SAFB: variants seen among roughly 807,000 people sequenced by gnomAD.
The protein encoded by SAFB is scaffold attachment factor B1.
A neutral mutation model predicts 101.6 loss-of-function variants in SAFB; 15 were observed. That is an observed-to-expected ratio of 0.15 (90% CI 0.10 to 0.23). SAFB has a LOEUF of 0.23. Ranked by LOEUF, SAFB falls within the 10% of genes least tolerant of loss-of-function variation. The pLI, the probability that SAFB is intolerant of heterozygous loss-of-function variation, is 1.00. For synonymous variants in SAFB, 449 were observed against 407.5 expected, an observed-to-expected ratio of 1.10 and a Z score of -1.23; for missense variants, 930 against 1,104.1, an observed-to-expected ratio of 0.84 and a Z score of 2.23.
intron 5 of SAFB, among the ~76,000 whole-genome samples, chr19:5,647,225 A>G (rs1325249125): frequency 6.6e-6 from 1 of 152,140 alleles, no homozygotes; most frequent in Non-Finnish European, 1.5e-5. Flanking sequence ...CTGAAAGGAG[A>G]TGCCACTGAG....
chr19:5,651,654 C>A (rs567780892), intron 9 of SAFB, among the ~76,000 whole-genome samples: 8 of 152,160 alleles, frequency 5.3e-5, no homozygotes, highest in African/African-American at 1.9e-4. Context: ...CAGCCCCCTA[C>A]CTGCAGTGCC....
chr19:5,654,814 G>A (rs542741026), intron 13 of SAFB, among the ~76,000 whole-genome samples: 17 of 152,302 alleles, frequency 1.1e-4, no homozygotes, highest in African/African-American at 3.6e-4. Flanking sequence ...TGATCCGCCC[G>A]CCTCGGCCTC....
intron 2 of SAFB, among the ~76,000 whole-genome samples, chr19:5,640,180 G>A (rs1475300060): frequency 2.6e-5 from 4 of 152,080 alleles, no homozygotes; most frequent in South Asian, 2.1e-4. Context: ...ATAGTGGGGT[G>A]TAAATCAGAA....
chr19:5,647,377 C>T (rs542611514), intron 5 of SAFB, among the ~76,000 whole-genome samples: 1 of 152,192 alleles, frequency 6.6e-6, no homozygotes, highest in South Asian at 2.1e-4. Flanking sequence ...ACACAAGGTG[C>T]AGAGAGATGG....
intron 14 of SAFB, 158 bp from the exon 15 acceptor site, chr19:5,661,360 C>T: frequency 1.5e-6 from 2 of 1,325,534 alleles, no homozygotes; most frequent in South Asian, 1.5e-5. Context: ...CTCCTGTGGG[C>T]CCGAGAAGCC....
chr19:5,646,236 C>A (rs16993077), intron 5 of SAFB, among the ~76,000 whole-genome samples: 8,447 of 152,048 alleles, frequency 0.056, 473 homozygotes, highest in African/African-American at 0.14. Context: ...ATTAGAAATC[C>A]CCTTTTGGAA....
intron 13 of SAFB, 23 bp from the exon 14 acceptor site, chr19:5,657,218 T>G (rs1199181868): frequency 2.5e-6 from 4 of 1,599,856 alleles, no homozygotes; most frequent in Non-Finnish European, 3.4e-6. Context: ...GCTTTAACTT[T>G]TTAATGTTCT....
chr19:5,648,814 C>G, intron 6 of SAFB, 175 bp from the exon 7 acceptor site: 1 of 620,316 alleles, frequency 1.6e-6, no homozygotes, highest in South Asian at 1.7e-5. Flanking sequence ...TAGAGGCGGT[C>G]GCGGCGCAGG....
rs184917069 is a variant in SAFB, at chr19:5,646,237, C to A, written c.609+838C>A. Among the ~76,000 whole-genome samples, 95 of 152,198 alleles carry A rather than the reference C, an allele frequency of 6.2e-4. 1 individual carries two copies. Among genetic ancestry groups the A allele is most frequent in the African/African-American group, 2.2e-3 (92 of 41,522 alleles). ...TCTATGTTATTGTAATTAGAAATCCCCTTTTGGAAAAGATCTCCATTTGCT... is the reference window on the plus strand; with the variant it reads ...TCTATGTTATTGTAATTAGAAATCCACTTTTGGAAAAGATCTCCATTTGCT... On this transcript the variant is annotated intron_variant, in intron 5 of 20. Coordinates refer to ENST00000588852, the MANE Select transcript of SAFB (RefSeq NM_001201338.2).
Position 5,668,046 on chromosome 19 carries a change from G to C in SAFB, c.2625-116G>C, listed in dbSNP as rs566114747. 8.1e-5 allele frequency: 120 copies of C among 1,478,418 alleles called. No homozygotes were observed. The African/African-American group carries it at 1.7e-3, about 20-fold the overall frequency. The allele number at this position is 1,478,418 out of a possible 1,614,324, so 91.6% of individuals were successfully genotyped here. A position where few individuals can be genotyped will look rare whatever the true frequency, so the allele number is the denominator to read the frequency against. On this transcript the variant is annotated intron_variant, in intron 20 of 20. Transcript: ENST00000588852. ...GTGGAGGCTGCTGCCACTCAGGAGG[G>C]GAGGGCATTAGGAAGGGGCCCTGCC...
intron 13 of SAFB, among the ~76,000 whole-genome samples, chr19:5,655,459 CAAAAAAA>C (rs56999816): frequency 7.3e-5 from 4 of 55,172 alleles, no homozygotes; most frequent in Non-Finnish European, 8.1e-5. Flanking sequence ...GACCCCATCT[CAAAAAAA>C]AAAAAAAAAA....
chr19:5,631,495 G>T (rs1040705556), intron 2 of SAFB, among the ~76,000 whole-genome samples: 3 of 152,164 alleles, frequency 2.0e-5, no homozygotes, highest in African/African-American at 7.2e-5. Flanking sequence ...TTATCAGTGG[G>T]TTTTATCAAG....
At chr19:5,653,678 T>C (rs2053990417) in intron 11 of SAFB, among the ~76,000 whole-genome samples, 6 of 152,038 alleles carry the variant, frequency 3.9e-5, no homozygotes, top group Admixed American at 2.6e-4. Context: ...TTGGCCAGGC[T>C]GGTCTTGAAC....
At chr19:5,663,812 C>T (rs547375606) in intron 15 of SAFB, among the ~76,000 whole-genome samples, 22 of 152,144 alleles carry the variant, frequency 1.4e-4, no homozygotes, top group Non-Finnish European at 2.9e-4. Context: ...AAACCGAGGC[C>T]GCTTTTCATC....
intron 2 of SAFB, among the ~76,000 whole-genome samples, chr19:5,637,198 G>C (rs2145418309): frequency 6.6e-6 from 1 of 151,332 alleles, no homozygotes; most frequent in East Asian, 2.0e-4. Flanking sequence ...CAAAAAATAA[G>C]CCGGGCGTGA....
Position 5,667,474 on chromosome 19 carries a change from A to G in SAFB, c.2557+24A>G. The G allele has an allele frequency of 1.4e-6, 2 of 1,463,540 alleles. No individual in the cohort carries two copies. The highest frequency in any genetic ancestry group is 1.8e-6 in the Non-Finnish European group (2 of 1,088,800). 90.7% of individuals were successfully genotyped at this position (1,463,540 alleles called of 1,614,324 possible). On this transcript the variant is annotated intron_variant, in intron 19 of 20. Transcript: ENST00000588852. The surrounding 1 kb of genome is among the most constrained non-coding windows in gnomAD (Gnocchi z 4.0). Reference sequence around the variant, plus strand: ...AGGTGAGGAGCAGCTCTGGGCTGGGACCAGGATGTGCTGGGGAGTGATGGA... The same window carrying G: ...AGGTGAGGAGCAGCTCTGGGCTGGGGCCAGGATGTGCTGGGGAGTGATGGA...
chr19:5,668,290 G>A lies in SAFB; in HGVS notation c.2753G>A (p.Ter918=). 21 of 1,611,384 alleles carry A rather than the reference G, an allele frequency of 1.3e-5. No individual in the cohort carries two copies. Among genetic ancestry groups the A allele is most frequent in the Non-Finnish European group, 1.8e-5 (21 of 1,179,502 alleles). ...GATGCCCGCTTCACTCGCCGCTACTGAGTACTTGGAATCCTGTGTCCTGTC... is the reference window on the plus strand; with the variant it reads ...GATGCCCGCTTCACTCGCCGCTACTAAGTACTTGGAATCCTGTGTCCTGTC... ...PSDARFTRRY[*] The change falls in exon 21 of 21, where the codon TGA becomes TAA. Residue 918 remains the stop codon, a stop_retained_variant. Coordinates refer to ENST00000588852, the MANE Select transcript of SAFB (RefSeq NM_001201338.2).
rs200426250 is a variant in SAFB at position 5,649,882 on chromosome 19, T to C, written c.1149-44T>C. ...ATTTTATGGTTTTGAGTTTGTTTCC[T>C]CCATGCTGCTTCCTTGTGGAGTGAC... is the stretch of plus-strand genomic sequence containing the variant. On this transcript the variant is annotated intron_variant, in intron 7 of 20. Coordinates refer to ENST00000588852, the MANE Select transcript of SAFB (RefSeq NM_001201338.2). 5.5e-5 allele frequency: 87 copies of C among 1,571,236 alleles called. No individual in the cohort carries two copies. In the Admixed American group the frequency reaches 1.4e-3, roughly 26 times the overall value.
intron 14 of SAFB, among the ~76,000 whole-genome samples, chr19:5,657,864 T>G (rs767897933): frequency 5.7e-4 from 86 of 152,132 alleles, no homozygotes; most frequent in Non-Finnish European, 1.1e-3. Flanking sequence ...TCCCAAAGAT[T>G]GTAGAAGGTA....
Sources: allele counts gnomAD v4.1 joint callset (sites outside exome capture counted in the v4.1 genomes callset), GRCh38; gene constraint gnomAD v4.1.1; non-coding constraint Gnocchi (gnomAD v3.1); transcripts MANE v1.5; gene names NCBI Gene and HGNC (gene_info 2026-07-23, HGNC 2026-07-21).